Variants in CHLSN observed in about 807,000 individuals in gnomAD.
CHLSN encodes the protein cholesin.
At chr7:1,007,459 C>A in the CHLSN span, among the ~76,000 whole-genome samples, 76 of 152,324 alleles carry the variant, frequency 5.0e-4, no homozygotes, top group African/African-American at 1.8e-3. Context: ...TCCCCGGGCT[C>A]CCTCTCTTTG....
chr7:997,389 C>G, the CHLSN span: 2 of 499,538 alleles, frequency 4.0e-6, no homozygotes, highest in South Asian at 3.3e-5. Context: ...GCTGAAGGCA[C>G]TGAACCTGCC....
the CHLSN span, among the ~76,000 whole-genome samples, chr7:1,098,279 A>G: frequency 6.6e-6 from 1 of 152,228 alleles, no homozygotes; most frequent in South Asian, 2.1e-4. Context: ...CCATGGATCA[A>G]CCTCAAAGAA....
chr7:993,357 TGTGCAGGGAC>T, the CHLSN span, among the ~76,000 whole-genome samples: 1 of 152,110 alleles, frequency 6.6e-6, no homozygotes, highest in Admixed American at 6.5e-5. Context: ...CCACCTGATC[TGTGCAGGGAC>T]AGGCAGGGAC....
At chr7:1,130,050 G>A in the CHLSN span, among the ~76,000 whole-genome samples, 1 of 152,186 alleles carries the variant, frequency 6.6e-6, no homozygotes, top group Non-Finnish European at 1.5e-5. Context: ...GCACCCTCGG[G>A]TGGAGGGGCT....
At chr7:994,699 C>T in the CHLSN span, among the ~76,000 whole-genome samples, 1 of 152,318 alleles carries the variant, frequency 6.6e-6, no homozygotes, top group South Asian at 2.1e-4. Flanking sequence ...CTCTGCCTCC[C>T]AAAGTGCTGA....
At chr7:1,019,214 G>GAAAA in the CHLSN span, among the ~76,000 whole-genome samples, 1 of 91,568 alleles carries the variant, frequency 1.1e-5, no homozygotes, top group African/African-American at 4.4e-5. Flanking sequence ...AAAAAAAACG[G>GAAAA]GGGGGGGGGA....
At chr7:1,136,605 A>AACATATATAAACATATAAACATAT in the CHLSN span, among the ~76,000 whole-genome samples, 11 of 143,730 alleles carry the variant, frequency 7.7e-5, no homozygotes, top group South Asian at 4.2e-4. Context: ...AACATATATA[A>AACATATATAAACATATAAACATAT]ATATATATAA....
At chr7:1,065,728 G>A in the CHLSN span, among the ~76,000 whole-genome samples, 39 of 152,336 alleles carry the variant, frequency 2.6e-4, no homozygotes, top group East Asian at 7.1e-3. Flanking sequence ...GGCTGCACCT[G>A]TCAGAACACG....
the CHLSN span, among the ~76,000 whole-genome samples, chr7:995,009 G>C: frequency 2.6e-5 from 4 of 152,236 alleles, no homozygotes; most frequent in Admixed American, 6.5e-5. Flanking sequence ...AGACGTGAGG[G>C]ACGGACGTGA....
At chr7:1,116,445 T>C in the CHLSN span, among the ~76,000 whole-genome samples, 1,586 of 62,576 alleles carry the variant, frequency 0.025, 57 homozygotes, top group African/African-American at 0.099. Context: ...ATCACCGACG[T>C]CCACGCAGGA....
chr7:1,077,568 G>A, the CHLSN span, among the ~76,000 whole-genome samples: 1 of 152,240 alleles, frequency 6.6e-6, no homozygotes, highest in South Asian at 2.1e-4. Flanking sequence ...GCTGCTTTCT[G>A]AACGTGCAAG....
chr7:1,028,103 C>T, the CHLSN span, among the ~76,000 whole-genome samples: 1 of 149,192 alleles, frequency 6.7e-6, no homozygotes, highest in East Asian at 1.9e-4. Flanking sequence ...TCGGCCGGCC[C>T]GGGGTCTGCA....
chr7:1,075,070 G>T, the CHLSN span, among the ~76,000 whole-genome samples: 1 of 152,188 alleles, frequency 6.6e-6, no homozygotes, highest in African/African-American at 2.4e-5. Flanking sequence ...CTGTGCAGGG[G>T]CCCTGCAGCA....
chr7:1,087,259 T>C, the CHLSN span: 1 of 152,216 alleles, frequency 6.6e-6, no homozygotes, highest in African/African-American at 2.4e-5. Context: ...GTTCCGACGC[T>C]TCTGCAGCGA....
the CHLSN span, chr7:997,806 T>C: frequency 6.2e-7 from 1 of 1,602,638 alleles, no homozygotes; most frequent in Admixed American, 1.7e-5. Context: ...ATCGGGAACC[T>C]GGACGGGAAA....
the CHLSN span, chr7:1,127,230 G>T: frequency 1.9e-6 from 3 of 1,577,406 alleles, no homozygotes; most frequent in South Asian, 1.2e-5. Context: ...CCAGAGGGCA[G>T]GGCCAGTGAA....
At chr7:1,076,520 A>T in the CHLSN span, among the ~76,000 whole-genome samples, 4 of 152,230 alleles carry the variant, frequency 2.6e-5, no homozygotes, top group Non-Finnish European at 4.4e-5. Flanking sequence ...CGGACTGGGC[A>T]CCGTGTAAAG....
At chr7:1,115,951 A>ACGCCC in the CHLSN span, among the ~76,000 whole-genome samples, 4 of 117,130 alleles carry the variant, frequency 3.4e-5, 1 homozygote, top group Non-Finnish European at 3.7e-5. Context: ...TCCATCACCA[A>ACGCCC]AGCCCACGCA....
At chr7:1,022,097 C>T in the CHLSN span, among the ~76,000 whole-genome samples, 1 of 152,240 alleles carries the variant, frequency 6.6e-6, no homozygotes, top group Non-Finnish European at 1.5e-5. Flanking sequence ...GCAACCAACC[C>T]TGAGTCCACC....
Sources: allele counts gnomAD v4.1 joint callset (sites outside exome capture counted in the v4.1 genomes callset), GRCh38; gene constraint gnomAD v4.1.1; transcripts MANE v1.5; gene names NCBI Gene and HGNC (gene_info 2026-07-23, HGNC 2026-07-21).